The following COL1A2 variants were observed in gnomAD, a reference collection of about 807,000 sequenced individuals.
COL1A2 encodes collagen alpha-2(I) chain.
A neutral mutation model predicts 174.3 loss-of-function variants in COL1A2; 49 were observed. The observed-to-expected ratio is 0.28, with a 90% CI of 0.22 to 0.36. The LOEUF (loss-of-function observed/expected upper bound fraction) is 0.36, where lower values mean the gene tolerates loss of function less well. Ranked by LOEUF, COL1A2 falls within the 10% of genes least tolerant of loss-of-function variation. The pLI, the probability that COL1A2 is intolerant of heterozygous loss-of-function variation, is 1.00. For synonymous variants in COL1A2, 655 were observed against 606.6 expected (o/e 1.08, Z -1.17); for missense variants, 1,438 against 1,822.7 (o/e 0.79, Z 3.84).
intron 45 of COL1A2, 65 bp downstream of exon 45, chr7:94,426,116 G>T: frequency 7.0e-7 from 1 of 1,434,328 alleles, no homozygotes; most frequent in Non-Finnish European, 9.8e-7. Flanking sequence ...CAAAACATCT[G>T]TTAAGAAAAT....
At chr7:94,421,768 GCTGC>G in intron 38 of COL1A2, 127 bp from the exon 39 acceptor site, 5 of 774,376 alleles carry the variant, frequency 6.5e-6, no homozygotes, top group Non-Finnish European at 1.1e-5. Flanking sequence ...CCTATATGAA[GCTGC>G]CTACCTCCTA....
Position 94,430,689 on chromosome 7 carries a change from A to T in COL1A2, c.*296A>T. On this transcript the variant is annotated 3_prime_UTR_variant, in exon 52 of 52. Transcript: ENST00000297268. The stretch of plus-strand genomic sequence containing the variant: ...CCAAAATAAAAATTGAAAAATAAAA[A>T]CCATAAACATTTGCACCACTTGTGG... 1 of 374,556 alleles carries T rather than the reference A, an allele frequency of 2.7e-6. No individual in the cohort carries two copies. Among genetic ancestry groups the T allele is most frequent in the Non-Finnish European group, 4.9e-6 (1 of 204,972 alleles). The allele number at this position is 374,556 out of a possible 1,614,324, so 23.2% of individuals were successfully genotyped here.
rs191983120 is a variant in COL1A2 at position 94,402,779 on chromosome 7, G to A, written c.279+1159G>A. On this transcript the variant is annotated intron_variant, in intron 6 of 51. Coordinates refer to ENST00000297268, the MANE Select transcript of COL1A2 (RefSeq NM_000089.4). ...CCAAAGTCAACAAGGTCTTTAAAAT[G>A]TAAATTTTACCTGGGCAGTGCACTT... Among the ~76,000 whole-genome samples the A allele has an allele frequency of 4.6e-5, 7 of 152,206 alleles. No individual in the cohort carries two copies. In the East Asian group the frequency reaches 1.4e-3, roughly 29 times the overall value.
In COL1A2 at chr7:94,400,272, C is replaced by T. The variant is rs1791665067; in HGVS notation, c.209C>T (p.Pro70Leu). The change falls in exon 5 of 52, where the codon CCC (proline) becomes CTC (leucine). Residue 70 changes from proline (P) to leucine (L), a missense_variant. Transcript: ENST00000297268. Reference sequence around the variant, plus strand: ...CCTGGTCCACCTGGTCCTCCTGGCCCCCCTGGTCTCGGTGGGGTAAGGTGT... The same window carrying T: ...CCTGGTCCACCTGGTCCTCCTGGCCTCCCTGGTCTCGGTGGGGTAAGGTGT... ...GPPGPPGPPG[P>L]PGLGGNFAAQ... 1 of 1,613,562 alleles carries T rather than the reference C, an allele frequency of 6.2e-7. No individual in the cohort carries two copies. Among genetic ancestry groups the T allele is most frequent in the Non-Finnish European group, 8.5e-7 (1 of 1,179,914 alleles).
chr7:94,412,521 C>A, intron 24 of COL1A2, 63 bp from the exon 25 acceptor site: 1 of 1,273,768 alleles, frequency 7.9e-7, no homozygotes, highest in Non-Finnish European at 1.1e-6. Flanking sequence ...GTGGCAGCAT[C>A]ATAAGCTTGA....
At chr7:94,415,157 A>G in intron 29 of COL1A2, 69 bp from the exon 30 acceptor site, 1 of 1,470,922 alleles carries the variant, frequency 6.8e-7, no homozygotes, top group Non-Finnish European at 9.5e-7. Flanking sequence ...AATTTTTCAA[A>G]TATTTTAATC....
chr7:94,411,243 C>A, intron 23 of COL1A2, 89 bp downstream of exon 23: 1 of 1,062,146 alleles, frequency 9.4e-7, no homozygotes, highest in Non-Finnish European at 1.4e-6. Flanking sequence ...ACAATAAAAA[C>A]ATCAAAAGTA....
At chr7:94,417,912 C>T in intron 32 of COL1A2, 81 bp downstream of exon 32, 1 of 1,157,568 alleles carries the variant, frequency 8.6e-7, no homozygotes, top group Admixed American at 2.0e-5. Flanking sequence ...TTTCACAATT[C>T]TTGGCAGGTG....
At chr7:94,411,238 A>G in intron 23 of COL1A2, 84 bp downstream of exon 23, 1 of 1,083,074 alleles carries the variant, frequency 9.2e-7, no homozygotes, top group South Asian at 1.3e-5. Flanking sequence ...AGATAACAAT[A>G]AAAACATCAA....
rs145541630 is a variant in COL1A2 at position 94,427,727 on chromosome 7, G to T, written c.3368G>T (p.Arg1123Leu). 9 of 1,613,922 alleles carry T rather than the reference G, an allele frequency of 5.6e-6. No homozygotes were observed. The highest frequency in any genetic ancestry group is 6.8e-6 in the Non-Finnish European group (8 of 1,180,014). ...GACTTCTACAGGGCTGACCAGCCTC[G>T]CTCAGCACCTTCTCTCAGACCCAAG... ...DGDFYRADQP[R>L]SAPSLRPKDY... is the part of the protein sequence containing the mutation. The change falls in exon 49 of 52, where the codon CGC becomes CTC. Residue 1123 changes from arginine to leucine, a missense_variant. Arg to Leu is a moderately radical substitution (Grantham distance 102). This residue lies in a region of COL1A2 where 290 missense variants were observed against 298.1 expected (regional missense o/e 0.97). Transcript: ENST00000297268.
At chr7:94,415,378 C>A in intron 30 of COL1A2, 108 bp downstream of exon 30, 1 of 935,206 alleles carries the variant, frequency 1.1e-6, no homozygotes, top group South Asian at 1.3e-5. Context: ...CTCTGATGCT[C>A]TTCTATAGTC....
intron 11 of COL1A2, 95 bp from the exon 12 acceptor site, chr7:94,406,155 C>T (rs1791791172): frequency 7.6e-7 from 1 of 1,312,422 alleles, no homozygotes; most frequent in Non-Finnish European, 1.1e-6. Flanking sequence ...ACAAGACTTA[C>T]CCAAGAGAGA....
At position 94,414,242 on chromosome 7, in the gene COL1A2, T is replaced by A. The variant is rs1394933873; in HGVS notation, c.1686T>A (p.Gly562=). ...PGFQGLPGPS[G]PAGEVGKPGE... The stretch of plus-strand genomic sequence containing the variant: ...TTTAGGGTCTGCCTGGCCCCTCAGG[T>A]CCCGCTGGTGAAGTTGGCAAACCAG... Residue 562 remains glycine, a synonymous_variant, in exon 29 of 52, where the codon GGT becomes GGA. Coordinates refer to ENST00000297268, the MANE Select transcript of COL1A2 (RefSeq NM_000089.4). The A allele has an allele frequency of 1.2e-6, 2 of 1,613,962 alleles. No individual in the cohort carries two copies. Among genetic ancestry groups the A allele is most frequent in the Non-Finnish European group, 1.7e-6 (2 of 1,179,998 alleles).
chr7:94,428,096 C>T lies in COL1A2; in HGVS notation c.3527-197C>T, dbSNP rs1019780605. 5.3e-5 allele frequency among the ~76,000 whole-genome samples: 8 copies of T among 152,194 alleles called. No homozygotes were observed. In the South Asian group the frequency reaches 1.5e-3, roughly 28 times the overall value. On this transcript the variant is annotated intron_variant, in intron 49 of 51. Coordinates refer to ENST00000297268, the MANE Select transcript of COL1A2 (RefSeq NM_000089.4). ...TTTGCACTTTTCATAGTAATAAGTACCCTGATTTGATTTTTCATGGAGGAG... is the reference window on the plus strand; with the variant it reads ...TTTGCACTTTTCATAGTAATAAGTATCCTGATTTGATTTTTCATGGAGGAG...
rs1186920009 is a variant in COL1A2 at position 94,427,227 on chromosome 7, C to T, written c.3199C>T (p.Arg1067Cys). ...TTCTGGCCCTGCTGGAAAAGATGGTCGCACTGGACATCCTGGTACAGTTGG... is the reference window on the plus strand; with the variant it reads ...TTCTGGCCCTGCTGGAAAAGATGGTTGCACTGGACATCCTGGTACAGTTGG... ...GPSGPAGKDG[R>C]TGHPGTVGPA... Residue 1067 changes from arginine (R) to cysteine (C), a missense_variant, in exon 48 of 52, where the codon CGC (arginine) becomes TGC (cysteine). Arg to Cys is a radical substitution (Grantham distance 180). This residue lies in a region of COL1A2 where 867 missense variants were observed against 1,213.7 expected (regional missense o/e 0.71). Transcript: ENST00000297268. 7 of 1,613,860 alleles carry T rather than the reference C, an allele frequency of 4.3e-6. No homozygotes were observed. The highest frequency in any genetic ancestry group is 3.3e-5 in the South Asian group (3 of 91,008).
Position 94,428,422 on chromosome 7 carries a change from G to T in COL1A2, c.3656G>T (p.Ser1219Ile). The T allele has an allele frequency of 6.2e-7, 1 of 1,614,136 alleles. No individual in the cohort carries two copies. The highest frequency in any genetic ancestry group is 1.1e-5 in the South Asian group (1 of 91,072). The change falls in exon 50 of 52, where the codon AGC becomes ATC. Residue 1219 changes from serine to isoleucine, a missense_variant. Ser to Ile is a moderately radical substitution (Grantham distance 142, BLOSUM62 -2). This residue lies in a region of COL1A2 where 290 missense variants were observed against 298.1 expected (regional missense o/e 0.97). Coordinates refer to ENST00000297268, the MANE Select transcript of COL1A2 (RefSeq NM_000089.4). ...ENIPAKNWYR[S>I]SKDKKHVWLG... is the part of the protein sequence containing the mutation. ...ATCCCAGCCAAGAACTGGTATAGGAGCTCCAAGGACAAGAAACACGTCTGG... is the reference window on the plus strand; with the variant it reads ...ATCCCAGCCAAGAACTGGTATAGGATCTCCAAGGACAAGAAACACGTCTGG...
chr7:94,395,418 C>A, intron 1 of COL1A2: 2 of 385,718 alleles, frequency 5.2e-6, no homozygotes, highest in South Asian at 4.2e-5. Flanking sequence ...ATATTAACGA[C>A]CAATGTGGTG....
rs755997865 is a variant in COL1A2, at chr7:94,408,870, T to C, written c.792+47T>C. On this transcript the variant is annotated intron_variant, in intron 16 of 51. Coordinates refer to ENST00000297268, the MANE Select transcript of COL1A2 (RefSeq NM_000089.4). ...GTCACTACTTTGATAAACTTTTTAC[T>C]GTGATGTGAAAGATTGGAACTGTGT... 4 of 1,532,016 alleles carry C rather than the reference T, an allele frequency of 2.6e-6. No homozygotes were observed. The East Asian group carries it at 9.0e-5, about 34-fold the overall frequency. The allele number at this position is 1,532,016 out of a possible 1,614,324, so 94.9% of individuals were successfully genotyped here.
rs1235561698 is a variant in COL1A2, at chr7:94,430,722, A to G, written c.*329A>G. 3.0e-5 allele frequency: 9 copies of G among 301,618 alleles called. No homozygotes were observed. The highest frequency in any genetic ancestry group is 4.4e-5 in the African/African-American group (2 of 44,958). The allele number at this position is 301,618 out of a possible 1,614,324, so 18.7% of individuals were successfully genotyped here. ...CATTTGCACCACTTGTGGCTTTTGA[A>G]TATCTTCCACAGAGGGAAGTTTAAA... On this transcript the variant is annotated 3_prime_UTR_variant, in exon 52 of 52. Transcript: ENST00000297268.
Sources: allele counts gnomAD v4.1 joint callset (sites outside exome capture counted in the v4.1 genomes callset), GRCh38; gene constraint gnomAD v4.1.1; regional missense constraint gnomAD v4.1.1; transcripts MANE v1.5; gene names NCBI Gene and HGNC (gene_info 2026-07-23, HGNC 2026-07-21).